Variants in IRAG1 observed in about 807,000 individuals in gnomAD.
IRAG1 encodes the protein IP3R-associated cGMP kinase substrate.
A neutral mutation model predicts 106.2 loss-of-function variants in IRAG1; 62 were observed. That is an observed-to-expected ratio of 0.58 (90% CI 0.48 to 0.72). The LOEUF is 0.72. IRAG1 is among the 30% of genes least tolerant of loss of function. The pLI is 0.00. For synonymous variants in IRAG1, 462 were observed against 443.9 expected, an observed-to-expected ratio of 1.04 and a Z score of -0.51; for missense variants, 1,064 against 1,140.7, an observed-to-expected ratio of 0.93 and a Z score of 0.97.
chr11:10,610,828 C>T (rs1564906630), intron 10 of IRAG1, among the ~76,000 whole-genome samples: 1 of 152,204 alleles, frequency 6.6e-6, no homozygotes, highest in Non-Finnish European at 1.5e-5. Context: ...TTAGTTGACC[C>T]AAATCAGTTA....
intron 2 of IRAG1, among the ~76,000 whole-genome samples, chr11:10,637,107 A>G (rs1245807921): frequency 6.6e-6 from 1 of 152,230 alleles, no homozygotes; most frequent in Non-Finnish European, 1.5e-5. Flanking sequence ...GAAATACAGA[A>G]ATGTTGACAG....
chr11:10,650,165 C>T (rs1858350638), intron 2 of IRAG1, among the ~76,000 whole-genome samples: 1 of 152,188 alleles, frequency 6.6e-6, no homozygotes, highest in South Asian at 2.1e-4. Flanking sequence ...CTCCATATCC[C>T]AAACCCATGG....
At chr11:10,668,318 A>G (rs1192612134) in intron 1 of IRAG1, among the ~76,000 whole-genome samples, 1 of 152,276 alleles carries the variant, frequency 6.6e-6, no homozygotes, top group Non-Finnish European at 1.5e-5. Flanking sequence ...TCAAATTTGA[A>G]AAGTATGTAA....
chr11:10,601,411 T>G (rs1302423739), intron 14 of IRAG1, among the ~76,000 whole-genome samples: 1 of 152,166 alleles, frequency 6.6e-6, no homozygotes, highest in Non-Finnish European at 1.5e-5. Context: ...GACACAGCGT[T>G]CAGGCCAGGG....
chr11:10,665,642 G>A lies in IRAG1; in HGVS notation c.68-13460C>T, dbSNP rs759181724. ...AATGATTGGCTGTGTGAACAGGCTC[G>A]CAGCCCTGTGCTTGGAACCCCAGCA... On this transcript the variant is annotated intron_variant, in intron 1 of 20. Coordinates refer to ENST00000423302, the MANE Select transcript of IRAG1 (RefSeq NM_130385.4). The surrounding 1 kb of genome is among the most constrained non-coding windows in gnomAD (Gnocchi z 4.2). 1.3e-5 allele frequency among the ~76,000 whole-genome samples: 2 copies of A among 152,154 alleles called. No homozygotes were observed. Among genetic ancestry groups the A allele is most frequent in the Non-Finnish European group, 2.9e-5 (2 of 68,034 alleles).
Position 10,652,166 on chromosome 11 carries a change from G to A in IRAG1, c.84C>T (p.Ala28=), listed in dbSNP as rs183089929. 129 of 1,613,842 alleles carry A rather than the reference G, an allele frequency of 8.0e-5. No individual in the cohort carries two copies. In the East Asian group the frequency reaches 2.8e-3, roughly 35 times the overall value. Residue 28 remains alanine (A), a synonymous_variant, in exon 2 of 21, where the codon GCC becomes GCT. Coordinates refer to ENST00000423302, the MANE Select transcript of IRAG1 (RefSeq NM_130385.4). ...NNSVLACGAQ[A]SWSIFGADAA... ...CGTCAGCCCCAAAGATGCTCCAAGA[G>A]GCCTGGGCTCCACAGGCTGGGGAGA...
intron 8 of IRAG1, among the ~76,000 whole-genome samples, chr11:10,627,134 C>A (rs1355126635): frequency 6.6e-6 from 1 of 152,114 alleles, no homozygotes; most frequent in Non-Finnish European, 1.5e-5. Context: ...TGTTCATTCC[C>A]CAAGGGAAAC....
intron 10 of IRAG1, among the ~76,000 whole-genome samples, chr11:10,622,475 C>G (rs936211645): frequency 7.9e-5 from 12 of 152,258 alleles, no homozygotes; most frequent in African/African-American, 2.9e-4. Flanking sequence ...ATGTACCTAT[C>G]TCAATGCTCC....
intron 1 of IRAG1, among the ~76,000 whole-genome samples, chr11:10,654,767 C>T (rs778987953): frequency 1.3e-5 from 2 of 152,154 alleles, no homozygotes; most frequent in Admixed American, 6.5e-5. Flanking sequence ...TGAGCTGAGC[C>T]GTGAACACAA....
chr11:10,677,707 A>G (rs781086261), intron 1 of IRAG1, among the ~76,000 whole-genome samples: 9 of 152,222 alleles, frequency 5.9e-5, no homozygotes, highest in Non-Finnish European at 1.2e-4. Flanking sequence ...CTGTGCACCT[A>G]TCACCCCTAC....
At chr11:10,635,363 C>A (rs919844756) in intron 2 of IRAG1, among the ~76,000 whole-genome samples, 26 of 152,220 alleles carry the variant, frequency 1.7e-4, no homozygotes, top group African/African-American at 6.3e-4. Flanking sequence ...CCTAGCGTCC[C>A]AGAGCATGTT....
intron 1 of IRAG1, among the ~76,000 whole-genome samples, chr11:10,688,334 G>A (rs1373772517): frequency 6.6e-6 from 1 of 152,140 alleles, no homozygotes; most frequent in African/African-American, 2.4e-5. Context: ...GGAAGAGCTG[G>A]CCAACACTGA....
At chr11:10,633,301 T>G (rs1856879522) in intron 3 of IRAG1, among the ~76,000 whole-genome samples, 1 of 152,168 alleles carries the variant, frequency 6.6e-6, no homozygotes, top group Admixed American at 6.5e-5. Context: ...GGTCTCGATC[T>G]CCTGACCTCA....
intron 8 of IRAG1, among the ~76,000 whole-genome samples, chr11:10,627,481 G>A (rs1172012728): frequency 6.6e-6 from 1 of 152,078 alleles, no homozygotes; most frequent in Non-Finnish European, 1.5e-5. Flanking sequence ...GGGGGTCAGC[G>A]CTGTGAGTAT....
intron 14 of IRAG1, among the ~76,000 whole-genome samples, chr11:10,602,636 T>C (rs1161138581): frequency 7.0e-6 from 1 of 142,426 alleles, no homozygotes; most frequent in African/African-American, 2.8e-5. Context: ...AGACAGGATA[T>C]TTATAGGGTT....
At chr11:10,683,040 T>C (rs1589976556) in intron 1 of IRAG1, among the ~76,000 whole-genome samples, 1 of 152,278 alleles carries the variant, frequency 6.6e-6, no homozygotes, top group East Asian at 1.9e-4. Flanking sequence ...TGGTGGAGTA[T>C]AGGAAGGAAA....
At chr11:10,675,020 C>T (rs1860540942) in intron 1 of IRAG1, among the ~76,000 whole-genome samples, 1 of 152,194 alleles carries the variant, frequency 6.6e-6, no homozygotes, top group African/African-American at 2.4e-5. Flanking sequence ...CGCAGAGTGA[C>T]CCGGAGCAGG....
chr11:10,650,215 G>A (rs1858354938), intron 2 of IRAG1, among the ~76,000 whole-genome samples: 1 of 152,188 alleles, frequency 6.6e-6, no homozygotes, highest in Admixed American at 6.5e-5. Flanking sequence ...TGTGGGTGGG[G>A]AGATGCCCTT....
intron 1 of IRAG1, among the ~76,000 whole-genome samples, chr11:10,671,456 A>G (rs1275441014): frequency 6.6e-6 from 1 of 152,200 alleles, no homozygotes; most frequent in African/African-American, 2.4e-5. Flanking sequence ...TCACACCTGT[A>G]ATACCACAAC....
Sources: allele counts gnomAD v4.1 joint callset (sites outside exome capture counted in the v4.1 genomes callset), GRCh38; gene constraint gnomAD v4.1.1; non-coding constraint Gnocchi (gnomAD v3.1); transcripts MANE v1.5; gene names NCBI Gene and HGNC (gene_info 2026-07-23, HGNC 2026-07-21).